TENM4: variants seen among roughly 807,000 people sequenced by gnomAD.
The protein encoded by TENM4 is teneurin transmembrane protein 4.
TENM4 carries 82 observed loss-of-function variants against 243.3 expected under a neutral mutation model. The ratio of observed to expected loss-of-function variants is 0.34; its 90% CI spans 0.28 to 0.40. The LOEUF is 0.40. Ranked by LOEUF, TENM4 falls within the 10% of genes least tolerant of loss-of-function variation. The probability of loss-of-function intolerance (pLI) is 1.00; values close to 1 mark genes in which losing one functional copy is unlikely to be tolerated. For missense variants in TENM4, 3,138 were observed against 3,673.3 expected (o/e 0.85, Z 3.77); for synonymous variants, 1,412 against 1,456.3 (o/e 0.97, Z 0.69).
At chr11:79,192,469 C>G (rs1318413159) in intron 3 of TENM4, among the ~76,000 whole-genome samples, 2 of 152,136 alleles carry the variant, frequency 1.3e-5, no homozygotes. Flanking sequence ...GACCTTACCC[C>G]CCAACCCTGT....
intron 4 of TENM4, among the ~76,000 whole-genome samples, chr11:79,113,256 G>C (rs894490673): frequency 7.4e-6 from 1 of 135,590 alleles, no homozygotes; most frequent in African/African-American, 3.4e-5. Flanking sequence ...AGAAGCAAGA[G>C]AGGGAAGGGG....
At chr11:78,880,267 A>G (rs1859395585) in intron 9 of TENM4, among the ~76,000 whole-genome samples, 2 of 152,168 alleles carry the variant, frequency 1.3e-5, no homozygotes, top group African/African-American at 2.4e-5. Context: ...ATGCTCCTTA[A>G]GAGTCATCAC....
chr11:78,882,541 C>A (rs1459998086), intron 9 of TENM4, among the ~76,000 whole-genome samples: 1 of 152,132 alleles, frequency 6.6e-6, no homozygotes, highest in Non-Finnish European at 1.5e-5. Flanking sequence ...GAGTGAAACT[C>A]CATTAAAAAG....
intron 7 of TENM4, among the ~76,000 whole-genome samples, chr11:78,896,193 C>G (rs924219947): frequency 6.6e-6 from 1 of 152,176 alleles, no homozygotes; most frequent in African/African-American, 2.4e-5. Flanking sequence ...CACAAAGCCA[C>G]GGGACAGCCA....
In TENM4 at chr11:78,688,133, C is replaced by G. The variant is rs1275508063; in HGVS notation, c.5181G>C (p.Gln1727His). The G allele has an allele frequency of 1.2e-6, 2 of 1,614,000 alleles. No homozygotes were observed. Among genetic ancestry groups the G allele is most frequent in the South Asian group, 2.2e-5 (2 of 91,084 alleles). ...RSDTDSSVHV[Q>H]VETSSKDDVT... ...CATCATCCTTGCTGGAGGTCTCTAC[C>G]TGGACATGCACTGAACTGTCTGTAT... is the stretch of plus-strand genomic sequence containing the variant. Residue 1727 changes from glutamine to histidine, a missense_variant, in exon 29 of 34, where the codon CAG (glutamine) becomes CAC (histidine). Physicochemically the swap from Gln to His is conservative, Grantham distance 24. Around this residue, in one of 2 missense-constraint regions of TENM4, gnomAD observed 2,467 missense variants for 3,059.1 expected, o/e 0.81. Transcript: ENST00000278550.
At chr11:79,274,092 A>G (rs1856013679) in intron 2 of TENM4, among the ~76,000 whole-genome samples, 1 of 152,206 alleles carries the variant, frequency 6.6e-6, no homozygotes, top group Non-Finnish European at 1.5e-5. Flanking sequence ...CCAGGGGTGC[A>G]GGGGTGGTAA....
intron 19 of TENM4, among the ~76,000 whole-genome samples, chr11:78,741,858 C>T (rs1333276343): frequency 6.6e-6 from 1 of 152,170 alleles, no homozygotes; most frequent in Non-Finnish European, 1.5e-5. Flanking sequence ...GGGAGCAAAT[C>T]ACTGTCACCG....
intron 2 of TENM4, among the ~76,000 whole-genome samples, chr11:79,231,652 C>G (rs2135261841): frequency 6.6e-6 from 1 of 152,328 alleles, no homozygotes; most frequent in Middle Eastern, 3.4e-3. Context: ...GATACCCACC[C>G]TCAGAGCAGT....
At chr11:79,419,150 A>G (rs1858878962) in intron 1 of TENM4, among the ~76,000 whole-genome samples, 1 of 152,204 alleles carries the variant, frequency 6.6e-6, no homozygotes, top group South Asian at 2.1e-4. Context: ...ACTCGCATCT[A>G]AAGTGGTGAA....
At chr11:79,186,591 A>G (rs1289928409) in intron 3 of TENM4, among the ~76,000 whole-genome samples, 1 of 152,214 alleles carries the variant, frequency 6.6e-6, no homozygotes, top group African/African-American at 2.4e-5. Flanking sequence ...GTTTACGGAG[A>G]AAAGCAGAGG....
chr11:78,668,720 T>G lies in TENM4; in HGVS notation c.7408+217A>C, dbSNP rs143364068. On this transcript the variant is annotated intron_variant, in intron 32 of 33. Coordinates refer to ENST00000278550, the MANE Select transcript of TENM4 (RefSeq NM_001098816.3). Reference sequence around the variant, plus strand: ...GAAATGTACTATGAAAATGTAATAATGGTGGTGACCCTGACAAATTTATTT... The same window carrying G: ...GAAATGTACTATGAAAATGTAATAAGGGTGGTGACCCTGACAAATTTATTT... Among the ~76,000 whole-genome samples the G allele has an allele frequency of 7.3e-3, 1,118 of 152,326 alleles. 8 individuals carry two copies. The highest frequency in any genetic ancestry group is 0.01 in the Non-Finnish European group (708 of 68,026).
At chr11:79,105,182 T>C (rs1861336561) in intron 4 of TENM4, among the ~76,000 whole-genome samples, 1 of 152,214 alleles carries the variant, frequency 6.6e-6, no homozygotes, top group Non-Finnish European at 1.5e-5. Flanking sequence ...TCAACATATT[T>C]AATAGTTGTT....
Position 78,657,212 on chromosome 11 carries a change from C to T in TENM4, c.*846G>A. The T allele has an allele frequency of 2.5e-6, 1 of 398,708 alleles. No homozygotes were observed. 24.7% of individuals were successfully genotyped at this position (398,708 alleles called of 1,614,324 possible). A position where few individuals can be genotyped will look rare whatever the true frequency, so the allele number is the denominator to read the frequency against. On this transcript the variant is annotated 3_prime_UTR_variant, in exon 34 of 34. Coordinates refer to ENST00000278550, the MANE Select transcript of TENM4 (RefSeq NM_001098816.3). ...AGATGAACAGGAACATCATGGAGGA[C>T]CAACCAATCACAGGCATCCTGGGTG...
At chr11:78,816,529 G>A (rs907299602) in intron 12 of TENM4, among the ~76,000 whole-genome samples, 2 of 152,212 alleles carry the variant, frequency 1.3e-5, no homozygotes, top group South Asian at 2.1e-4. Context: ...CTATTTGTAG[G>A]ATAGAGAATT....
At chr11:78,995,507 G>C (rs538111696) in intron 6 of TENM4, among the ~76,000 whole-genome samples, 4 of 152,256 alleles carry the variant, frequency 2.6e-5, no homozygotes, top group Middle Eastern at 3.4e-3. Context: ...CCTTTCATAA[G>C]AGCCATTTGG....
chr11:78,677,249 C>CTTTT (rs67423363), intron 29 of TENM4, among the ~76,000 whole-genome samples: 1 of 137,110 alleles, frequency 7.3e-6, no homozygotes. Flanking sequence ...AAGGGTTGAA[C>CTTTT]TTTTTTTTTT....
At chr11:78,897,415 C>G (rs1298752396) in intron 7 of TENM4, among the ~76,000 whole-genome samples, 1 of 152,174 alleles carries the variant, frequency 6.6e-6, no homozygotes, top group Non-Finnish European at 1.5e-5. Flanking sequence ...AGTAAATCAT[C>G]AAACCTGGGG....
At chr11:78,843,309 T>A (rs1858305783) in intron 12 of TENM4, among the ~76,000 whole-genome samples, 1 of 151,956 alleles carries the variant, frequency 6.6e-6, no homozygotes, top group African/African-American at 2.4e-5. Flanking sequence ...AGAGAGATCC[T>A]ACTTCTACAA....
chr11:78,862,618 A>G (rs1205320917), intron 10 of TENM4, among the ~76,000 whole-genome samples: 1 of 152,096 alleles, frequency 6.6e-6, no homozygotes, highest in African/African-American at 2.4e-5. Context: ...ACAGATGCCC[A>G]ACTGTCCCAT....
Sources: gnomAD v4.1 joint callset for allele counts (sites outside exome capture counted in the v4.1 genomes callset) on GRCh38, gnomAD v4.1.1 for gene constraint, gnomAD v4.1.1 regional missense constraint, MANE v1.5 for transcripts, NCBI Gene and HGNC (gene_info 2026-07-23, HGNC 2026-07-21) for gene names.